The following OPA1 variants were observed in gnomAD, a reference collection of about 807,000 sequenced individuals.
The protein encoded by OPA1 is dynamin-like GTPase OPA1, mitochondrial.
In OPA1, 59 loss-of-function variants were observed where a neutral mutation model predicts 152.9. The ratio of observed to expected loss-of-function variants is 0.39; its 90% CI spans 0.31 to 0.48. OPA1 has a LOEUF of 0.48. OPA1 is among the 20% of genes least tolerant of loss of function. OPA1 has a pLI of 0.96. For synonymous variants in OPA1, 400 were observed against 389.9 expected (o/e 1.03, Z -0.31); for missense variants, 1,008 against 1,216.8 (o/e 0.83, Z 2.55).
chr3:193,631,129 T>A (rs1190656412), intron 7 of OPA1, among the ~76,000 whole-genome samples: 4 of 152,210 alleles, frequency 2.6e-5, no homozygotes, highest in Non-Finnish European at 5.9e-5. Context: ...CAGAAATGGA[T>A]ACAATACAAA....
At chr3:193,627,260 C>G (rs1239942518) in intron 7 of OPA1, 1 of 152,134 alleles carries the variant, frequency 6.6e-6, no homozygotes, top group Admixed American at 6.5e-5. Context: ...AGCATCACTT[C>G]CTGGTTTTTC....
chr3:193,666,540 C>A, intron 28 of OPA1, 151 bp downstream of exon 28: 1 of 720,958 alleles, frequency 1.4e-6, no homozygotes. Context: ...GTAATCTCAG[C>A]ATGTTGAGAG....
chr3:193,617,918 C>G (rs773319365), intron 5 of OPA1, 81 bp downstream of exon 5: 1 of 965,258 alleles, frequency 1.0e-6, no homozygotes, highest in African/African-American at 1.6e-5. Flanking sequence ...AAATTGCAGA[C>G]CAAATTTATA....
intron 25 of OPA1, among the ~76,000 whole-genome samples, chr3:193,662,112 T>C (rs1366358638): frequency 1.3e-5 from 2 of 152,162 alleles, no homozygotes; most frequent in African/African-American, 2.4e-5. Flanking sequence ...TTCTATCATA[T>C]ACAATTTTGA....
chr3:193,633,950 G>T (rs897816049), intron 8 of OPA1, among the ~76,000 whole-genome samples: 2 of 152,036 alleles, frequency 1.3e-5, no homozygotes, highest in African/African-American at 4.8e-5. Flanking sequence ...CAGTAGTTCT[G>T]CCTGTCTCAT....
At chr3:193,677,609 T>G (rs1405243062) in intron 29 of OPA1, among the ~76,000 whole-genome samples, 1 of 152,214 alleles carries the variant, frequency 6.6e-6, no homozygotes, top group Non-Finnish European at 1.5e-5. Context: ...ATGAAACTGG[T>G]AACCTCTGTT....
chr3:193,648,246 ATAAC>A, intron 20 of OPA1, 112 bp downstream of exon 20: 2 of 752,364 alleles, frequency 2.7e-6, no homozygotes, highest in Non-Finnish European at 2.4e-6. Context: ...GGTTTTGACT[ATAAC>A]TACTAATTTG....
rs1004838128 is a variant in OPA1, at chr3:193,636,875, T to G, written c.949-320T>G. Among the ~76,000 whole-genome samples the G allele has an allele frequency of 4.6e-5, 7 of 152,212 alleles. No homozygotes were observed. In the East Asian group the frequency reaches 1.3e-3, roughly 29 times the overall value. On this transcript the variant is annotated intron_variant, in intron 9 of 30. Coordinates refer to ENST00000361510, the MANE Select transcript of OPA1 (RefSeq NM_130837.3). ...CCACCTTTTTTTTGCCTTTTTGGTG[T>G]TAATGGTCTTTTCTTGCATTCAGTA...
rs1714541066 is a variant in OPA1 at position 193,658,822 on chromosome 3, G to C, written c.2332-65G>C. 4.5e-6 allele frequency: 5 copies of C among 1,110,326 alleles called. No homozygotes were observed. In the South Asian group the frequency reaches 6.2e-5, roughly 14 times the overall value. 68.8% of individuals were successfully genotyped at this position (1,110,326 alleles called of 1,614,324 possible). A position where few individuals can be genotyped will look rare whatever the true frequency, so the allele number is the denominator to read the frequency against. ...TCCATATTTACTAAGCTGTCAATTT[G>C]AATAAAACTACTAAAATGATGAGAT... On this transcript the variant is annotated intron_variant, in intron 23 of 30. Transcript: ENST00000361510.
At chr3:193,607,979 C>A (rs1167397654) in intron 1 of OPA1, among the ~76,000 whole-genome samples, 1 of 152,172 alleles carries the variant, frequency 6.6e-6, no homozygotes, top group Non-Finnish European at 1.5e-5. Context: ...TCTTTCACAT[C>A]CCTTGTATGT....
intron 27 of OPA1, among the ~76,000 whole-genome samples, chr3:193,666,088 TCAGA>T (rs1716467070): frequency 6.6e-6 from 1 of 152,204 alleles, no homozygotes; most frequent in South Asian, 2.1e-4. Context: ...TATCTAGGTG[TCAGA>T]CAGATATAAG....
At chr3:193,672,868 C>A (rs1718237802) in intron 29 of OPA1, among the ~76,000 whole-genome samples, 14 of 106,052 alleles carry the variant, frequency 1.3e-4, no homozygotes, top group East Asian at 2.7e-4. Context: ...GACTCCATCT[C>A]AAAAAAAAAA....
At chr3:193,605,958 C>G (rs1245521878) in intron 1 of OPA1, among the ~76,000 whole-genome samples, 1 of 152,140 alleles carries the variant, frequency 6.6e-6, no homozygotes, top group Non-Finnish European at 1.5e-5. Context: ...ACACAACTCC[C>G]TATTTATTTT....
chr3:193,616,326 T>A lies in OPA1; in HGVS notation c.448+556T>A, dbSNP rs1384096594. Reference sequence around the variant, plus strand: ...CCTGGCTTGAGTTTTTTTCTTTTAATTTTTTTCTTTTCATGAATACTACCA... The same window carrying A: ...CCTGGCTTGAGTTTTTTTCTTTTAAATTTTTTCTTTTCATGAATACTACCA... On this transcript the variant is annotated intron_variant, in intron 3 of 30. Transcript: ENST00000361510. Among the ~76,000 whole-genome samples, 104 of 152,182 alleles carry A rather than the reference T, an allele frequency of 6.8e-4. 1 individual carries two copies. Among genetic ancestry groups the A allele is most frequent in the Non-Finnish European group, 8.8e-5 (6 of 68,016 alleles).
At chr3:193,671,823 T>C (rs1039473247) in intron 29 of OPA1, among the ~76,000 whole-genome samples, 1 of 152,226 alleles carries the variant, frequency 6.6e-6, no homozygotes, top group African/African-American at 2.4e-5. Context: ...GTGAAAGTAC[T>C]TTAGAGGAAA....
At chr3:193,663,274 T>C (rs1310348850) in intron 26 of OPA1, among the ~76,000 whole-genome samples, 3 of 152,150 alleles carry the variant, frequency 2.0e-5, no homozygotes, top group Non-Finnish European at 4.4e-5. Context: ...GTCACGCTGT[T>C]TCAGATTGCA....
intron 21 of OPA1, 130 bp downstream of exon 21, chr3:193,649,001 A>AT (rs1042810281): frequency 3.1e-6 from 2 of 654,760 alleles, no homozygotes; most frequent in African/African-American, 1.8e-5. Flanking sequence ...GTAATAGTAT[A>AT]TTTTTTTGGC....
At position 193,615,361 on chromosome 3, in the gene OPA1, G is replaced by A. The variant is rs1323050431; in HGVS notation, c.352-313G>A. Among the ~76,000 whole-genome samples the A allele has an allele frequency of 2.6e-5, 4 of 152,202 alleles. 1 individual carries two copies. Among genetic ancestry groups the A allele is most frequent in the Non-Finnish European group, 5.9e-5 (4 of 68,028 alleles). ...TTCTCACACAAGCACTTCTTGGCAG[G>A]TCTGGGACCAGAGGCAAGGCGTCCT... is the stretch of plus-strand genomic sequence containing the variant. On this transcript the variant is annotated intron_variant, in intron 2 of 30. Transcript: ENST00000361510.
intron 29 of OPA1, among the ~76,000 whole-genome samples, chr3:193,688,426 A>C (rs1350074638): frequency 1.3e-5 from 1 of 74,706 alleles, no homozygotes; most frequent in Non-Finnish European, 3.0e-5. Flanking sequence ...TTGTTCCCTG[A>C]TTTTTACTGA....
Sources: gnomAD v4.1 joint callset for allele counts (sites outside exome capture counted in the v4.1 genomes callset) on GRCh38, gnomAD v4.1.1 for gene constraint, MANE v1.5 for transcripts, NCBI Gene and HGNC (gene_info 2026-07-23, HGNC 2026-07-21) for gene names.